Variants in DPP6 observed in about 807,000 individuals in gnomAD.
DPP6 encodes A-type potassium channel modulatory protein DPP6.
DPP6 carries 69 observed loss-of-function variants against 122.6 expected under a neutral mutation model. The observed-to-expected ratio is 0.56, with a 90% confidence interval of 0.46 to 0.69. The LOEUF (loss-of-function observed/expected upper bound fraction) is 0.69. Among genes scored for constraint, DPP6 ranks in the 30% least tolerant of loss-of-function variants. The pLI is 0.00. For synonymous variants in DPP6, 418 were observed against 433.1 expected, an observed-to-expected ratio of 0.97 and a Z score of 0.43; for missense variants, 928 against 1,116.9, an observed-to-expected ratio of 0.83 and a Z score of 2.41.
chr7:154,380,011 A>C (rs892908394), intron 1 of DPP6, among the ~76,000 whole-genome samples: 1 of 152,230 alleles, frequency 6.6e-6, no homozygotes, highest in Non-Finnish European at 1.5e-5. Flanking sequence ...CTTAACATCA[A>C]AACAAAATTA....
chr7:154,669,350 C>A lies in DPP6; in HGVS notation c.681-10C>A. 6.4e-7 allele frequency: 1 copy of A among 1,552,584 alleles called. No individual in the cohort carries two copies. Among genetic ancestry groups the A allele is most frequent in the South Asian group, 1.2e-5 (1 of 84,024 alleles). On this transcript the variant is annotated splice_polypyrimidine_tract_variant and intron_variant, in intron 6 of 25. Transcript: ENST00000377770. The stretch of plus-strand genomic sequence containing the variant: ...TTTGCTTTGTTTTTGTTTGTTTGTT[C>A]AATTTTCAGGGATCCTCAAAGTCTG...
At position 154,173,616 on chromosome 7, in the gene DPP6, T is replaced by C. The variant is rs530907482; in HGVS notation, c.243+120553T>C. ...CTGCTCTCCCTGTCTCCGTTCCCCA[T>C]CCCTTCTTGCTCTTTGCTGCTGACC... On this transcript the variant is annotated intron_variant, in intron 1 of 25. Coordinates refer to ENST00000377770, the MANE Select transcript of DPP6 (RefSeq NM_130797.4). Among the ~76,000 whole-genome samples the C allele has an allele frequency of 2.6e-5, 4 of 152,230 alleles. No individual in the cohort carries two copies. In the East Asian group the frequency reaches 7.7e-4, roughly 29 times the overall value.
chr7:153,948,215 G>A (rs945352820), intron 1 of DPP6, among the ~76,000 whole-genome samples: 8 of 152,138 alleles, frequency 5.3e-5, no homozygotes, highest in South Asian at 2.1e-4. Context: ...AAAAAATAAA[G>A]TCCAATACTG....
chr7:154,312,364 C>G (rs1178200132), intron 1 of DPP6, among the ~76,000 whole-genome samples: 2 of 152,198 alleles, frequency 1.3e-5, no homozygotes, highest in Non-Finnish European at 2.9e-5. Context: ...TGCAGCCCTC[C>G]ACCAATGGCT....
chr7:154,528,308 G>A lies in DPP6; in HGVS notation c.458-12224G>A, dbSNP rs572602892. 2.6e-5 allele frequency among the ~76,000 whole-genome samples: 4 copies of A among 152,272 alleles called. No homozygotes were observed. The South Asian group carries it at 8.3e-4, about 32-fold the overall frequency. ...TAAAATGCACTCTACACTCCCCTAT[G>A]TAACATCTTATTGCTTTGCAATTAT... is the stretch of plus-strand genomic sequence containing the variant. On this transcript the variant is annotated intron_variant, in intron 3 of 25. Transcript: ENST00000377770.
intron 1 of DPP6, among the ~76,000 whole-genome samples, chr7:153,917,726 C>T (rs142572604): frequency 6.6e-6 from 1 of 152,088 alleles, no homozygotes; most frequent in Non-Finnish European, 1.5e-5. Context: ...GTGTGACATG[C>T]GAAGGGTGGA....
In DPP6 at chr7:154,141,668, C is replaced by T. The variant is rs145964641; in HGVS notation, c.243+88605C>T. On this transcript the variant is annotated intron_variant, in intron 1 of 25. Coordinates refer to ENST00000377770, the MANE Select transcript of DPP6 (RefSeq NM_130797.4). ...TAAACTTGAAGGGCAGAGGCCCCCACGCAGCTCATGCAGATGGTGGTACTA... is the reference window on the plus strand; with the variant it reads ...TAAACTTGAAGGGCAGAGGCCCCCATGCAGCTCATGCAGATGGTGGTACTA... 6.0e-3 allele frequency among the ~76,000 whole-genome samples: 908 copies of T among 152,328 alleles called. 13 individuals are homozygous for T. Among genetic ancestry groups the T allele is most frequent in the African/African-American group, 0.021 (877 of 41,566 alleles).
In DPP6 at chr7:154,053,054, C is replaced by G; in HGVS notation, c.234C>G (p.Asp78Glu). 2.8e-6 allele frequency: 3 copies of G among 1,053,980 alleles called. No homozygotes were observed. Among genetic ancestry groups the G allele is most frequent in the Non-Finnish European group, 3.4e-6 (3 of 873,742 alleles). 65.3% of individuals were successfully genotyped at this position (1,053,980 alleles called of 1,614,324 possible). A position where few individuals can be genotyped will look rare whatever the true frequency, so the allele number is the denominator to read the frequency against. ...RFQYQARSDG[D>E]EEDELVGSNP... is the part of the protein sequence containing the mutation. ...AGTACCAGGCGCGGAGCGATGGTGA[C>G]GAGGAGGACGTAAGAGCTTCTCGGG... The change falls in exon 1 of 26, where the codon GAC becomes GAG. Residue 78 changes from aspartate (D) to glutamate (E), a missense_variant. By Grantham distance (45) the Asp-to-Glu change is conservative (BLOSUM62 2). Transcript: ENST00000377770.
chr7:153,905,987 A>G (rs1353315905), intron 1 of DPP6, among the ~76,000 whole-genome samples: 1 of 152,248 alleles, frequency 6.6e-6, no homozygotes, highest in Non-Finnish European at 1.5e-5. Flanking sequence ...TTGGAACAAA[A>G]TAAACCAAGG....
intron 4 of DPP6, among the ~76,000 whole-genome samples, chr7:154,566,598 C>T (rs1830765353): frequency 1.3e-5 from 2 of 151,822 alleles, no homozygotes; most frequent in African/African-American, 2.4e-5. Context: ...GCCTTTAATG[C>T]TTATTTATAT....
intron 6 of DPP6, among the ~76,000 whole-genome samples, chr7:154,645,598 A>G (rs1167042104): frequency 6.6e-6 from 1 of 152,104 alleles, no homozygotes; most frequent in East Asian, 1.9e-4. Context: ...GTAGTCATGA[A>G]ACAGTTCCTT....
chr7:154,801,639 G>A (rs770446741), intron 13 of DPP6, among the ~76,000 whole-genome samples, 177 bp downstream of exon 13: 8 of 152,144 alleles, frequency 5.3e-5, no homozygotes, highest in Non-Finnish European at 1.0e-4. Context: ...CATCAGGCCT[G>A]GTGGAACCTT....
chr7:154,826,745 C>T (rs1462832060), intron 16 of DPP6, among the ~76,000 whole-genome samples: 2 of 152,304 alleles, frequency 1.3e-5, no homozygotes, highest in East Asian at 3.9e-4. Flanking sequence ...AAGAGGCCTG[C>T]AGCTTTTTCT....
the DPP6 span, among the ~76,000 whole-genome samples, chr7:153,808,229 CTGAGTGTGCGTGTG>C: frequency 6.9e-6 from 1 of 144,402 alleles, no homozygotes; most frequent in Non-Finnish European, 1.5e-5. Context: ...GTGTGCGTGC[CTGAGTGTGCGTGTG>C]TGCACGTGCG....
chr7:154,773,111 A>G (rs1796344821), intron 10 of DPP6, among the ~76,000 whole-genome samples, 169 bp downstream of exon 10: 1 of 152,220 alleles, frequency 6.6e-6, no homozygotes, highest in Non-Finnish European at 1.5e-5. Context: ...TTTTCTAGGA[A>G]AAGAATACCA....
intron 16 of DPP6, among the ~76,000 whole-genome samples, chr7:154,809,333 G>A (rs573871903): frequency 2.6e-5 from 4 of 152,198 alleles, no homozygotes; most frequent in East Asian, 1.9e-4. Flanking sequence ...GTGACTGGCT[G>A]TGGTGGCCCC....
At chr7:153,969,018 G>T (rs989737539) in intron 1 of DPP6, among the ~76,000 whole-genome samples, 5 of 151,186 alleles carry the variant, frequency 3.3e-5, no homozygotes, top group African/African-American at 1.2e-4. Context: ...GGACATTGGG[G>T]TTCTTTCCAC....
intron 7 of DPP6, among the ~76,000 whole-genome samples, chr7:154,671,639 A>ATG (rs3837063): frequency 0.2 from 30,599 of 151,596 alleles, 3,403 homozygotes; most frequent in East Asian, 0.38. Context: ...GTGCATGCAT[A>ATG]TGTGTGTGTG....
At chr7:153,761,454 A>G in the DPP6 span, among the ~76,000 whole-genome samples, 1 of 152,244 alleles carries the variant, frequency 6.6e-6, no homozygotes. Context: ...GGAAGACACT[A>G]TGAAATGAAA....
Sources: gnomAD v4.1 joint callset for allele counts (sites outside exome capture counted in the v4.1 genomes callset) on GRCh38, gnomAD v4.1.1 for gene constraint, MANE v1.5 for transcripts, NCBI Gene and HGNC (gene_info 2026-07-23, HGNC 2026-07-21) for gene names.